The following MACROD1 variants were observed in gnomAD, a reference collection of about 807,000 sequenced individuals.
MACROD1 encodes ADP-ribose glycohydrolase MACROD1.
In MACROD1, 31 loss-of-function variants were observed where a neutral mutation model predicts 41.4. The observed-to-expected ratio is 0.75, with a 90% CI of 0.56 to 1.01. MACROD1 has a LOEUF of 1.01. Ranked by LOEUF, MACROD1 falls within the 50% of genes least tolerant of loss-of-function variation. The pLI is 0.00. For missense variants in MACROD1, 473 were observed against 460.0 expected (o/e 1.03, Z -0.26); for synonymous variants, 252 against 203.4 (o/e 1.24, Z -2.03).
intron 3 of MACROD1, among the ~76,000 whole-genome samples, chr11:64,074,636 G>A (rs1944169354): frequency 6.6e-6 from 1 of 152,224 alleles, no homozygotes; most frequent in Non-Finnish European, 1.5e-5. Flanking sequence ...CCCCAAGGGG[G>A]GCTGTGCCCT....
intron 3 of MACROD1, among the ~76,000 whole-genome samples, chr11:64,016,320 G>A (rs1294801671): frequency 6.6e-6 from 1 of 152,248 alleles, no homozygotes; most frequent in African/African-American, 2.4e-5. Flanking sequence ...GAGCTCATCA[G>A]GGAAAGCAGC....
At chr11:64,008,238 A>C (rs1188962716) in intron 4 of MACROD1, among the ~76,000 whole-genome samples, 1 of 152,024 alleles carries the variant, frequency 6.6e-6, no homozygotes, top group Non-Finnish European at 1.5e-5. Context: ...GGAGAAAACG[A>C]GGGAGAGAGG....
chr11:64,059,514 G>GC (rs1382170723), intron 3 of MACROD1, among the ~76,000 whole-genome samples: 2 of 152,116 alleles, frequency 1.3e-5, no homozygotes, highest in African/African-American at 4.8e-5. Flanking sequence ...GGGTACCCAG[G>GC]CCCCCCAGGC....
At chr11:64,076,982 G>A (rs945885379) in intron 3 of MACROD1, among the ~76,000 whole-genome samples, 3 of 152,106 alleles carry the variant, frequency 2.0e-5, no homozygotes, top group Admixed American at 6.6e-5. Context: ...AAATAGGGCT[G>A]AGTGACGGAT....
chr11:64,026,773 G>A (rs1943229162), intron 3 of MACROD1, among the ~76,000 whole-genome samples: 1 of 151,844 alleles, frequency 6.6e-6, no homozygotes, highest in African/African-American at 2.4e-5. Flanking sequence ...CATGCCCCAG[G>A]GCCTTTGCAC....
intron 3 of MACROD1, chr11:64,126,798 T>A (rs1945189365): frequency 6.6e-6 from 1 of 152,314 alleles, no homozygotes; most frequent in Non-Finnish European, 1.5e-5. Context: ...CTGCCTGATG[T>A]CCAAGGGGCC....
rs1378619743 is a variant in MACROD1, at chr11:64,048,023, T to G, written c.518-32742A>C. 2.0e-5 allele frequency among the ~76,000 whole-genome samples: 3 copies of G among 152,036 alleles called. No individual in the cohort carries two copies. The East Asian group carries it at 5.8e-4, about 29-fold the overall frequency. On this transcript the variant is annotated intron_variant, in intron 3 of 10. Coordinates refer to ENST00000255681, the MANE Select transcript of MACROD1 (RefSeq NM_014067.4). The stretch of plus-strand genomic sequence containing the variant: ...TGTGTGCTGGGCCTGAGCCACCACT[T>G]CAGAGTGGGGATGCTGGCAGGCCCT...
At chr11:64,139,524 G>C (rs1285387945) in intron 3 of MACROD1, among the ~76,000 whole-genome samples, 1 of 152,176 alleles carries the variant, frequency 6.6e-6, no homozygotes, top group Non-Finnish European at 1.5e-5. Flanking sequence ...CGAGGGGCTC[G>C]GAGTCCTGTG....
chr11:64,159,048 G>A (rs1308979338), intron 1 of MACROD1, among the ~76,000 whole-genome samples: 1 of 151,978 alleles, frequency 6.6e-6, no homozygotes, highest in East Asian at 1.9e-4. Flanking sequence ...GAGGCCGGGT[G>A]CAGGGGCTCA....
chr11:64,118,093 A>C (rs553034802), intron 3 of MACROD1: 1 of 1,611,176 alleles, frequency 6.2e-7, no homozygotes, highest in Admixed American at 1.7e-5. Flanking sequence ...AAGAAGGATA[A>C]CTCCATCCTG....
At chr11:64,144,223 G>A (rs967055354) in intron 3 of MACROD1, among the ~76,000 whole-genome samples, 20 of 151,796 alleles carry the variant, frequency 1.3e-4, no homozygotes, top group African/African-American at 4.1e-4. Flanking sequence ...TTAGCACCCC[G>A]TCCAACCCAA....
At chr11:64,126,042 G>A (rs1945175012) in intron 3 of MACROD1, among the ~76,000 whole-genome samples, 1 of 152,200 alleles carries the variant, frequency 6.6e-6, no homozygotes, top group Admixed American at 6.5e-5. Context: ...GTGGAACGCA[G>A]GCTTGCAATG....
intron 3 of MACROD1, among the ~76,000 whole-genome samples, chr11:64,062,080 C>T (rs1381191310): frequency 6.6e-6 from 1 of 151,518 alleles, no homozygotes; most frequent in East Asian, 1.9e-4. Context: ...TGCCCCTTCT[C>T]TGCCTGGGGG....
intron 3 of MACROD1, among the ~76,000 whole-genome samples, chr11:64,050,067 C>T (rs748502319): frequency 6.6e-6 from 1 of 152,176 alleles, no homozygotes; most frequent in Admixed American, 6.5e-5. Context: ...ATGGCCTACT[C>T]TTCCCTCGAG....
At chr11:64,078,659 A>G (rs1033474055) in intron 3 of MACROD1, among the ~76,000 whole-genome samples, 1 of 152,118 alleles carries the variant, frequency 6.6e-6, no homozygotes, top group African/African-American at 2.4e-5. Context: ...TTGTCCTACA[A>G]ATATGTGCTC....
intron 3 of MACROD1, among the ~76,000 whole-genome samples, chr11:64,056,804 C>T (rs76329561): frequency 1.8e-4 from 28 of 152,226 alleles, no homozygotes; most frequent in African/African-American, 6.7e-4. Context: ...AGGGTTCTGG[C>T]TGGTGCAAGG....
Position 64,090,443 on chromosome 11 carries a change from C to T in MACROD1, c.517+60796G>A, listed in dbSNP as rs1944468968. 6.6e-6 allele frequency among the ~76,000 whole-genome samples: 1 copy of T among 152,166 alleles called. No homozygotes were observed. Among genetic ancestry groups the T allele is most frequent in the Non-Finnish European group, 1.5e-5 (1 of 68,010 alleles). ...ACCTCCAGCCCGGGCAGCAGTGGGT[C>T]GATAATAATTTACGAGGCAGCCCCT... On this transcript the variant is annotated intron_variant, in intron 3 of 10. Transcript: ENST00000255681. This position sits in a 1 kb window ranked among gnomAD's most constrained non-coding sequence, Gnocchi z 4.7.
intron 3 of MACROD1, among the ~76,000 whole-genome samples, chr11:64,055,790 AG>A (rs1943774831): frequency 6.6e-6 from 1 of 152,048 alleles, no homozygotes; most frequent in Non-Finnish European, 1.5e-5. Flanking sequence ...TTTCATACAG[AG>A]GATGCTGGTT....
intron 4 of MACROD1, among the ~76,000 whole-genome samples, chr11:64,014,569 G>A (rs918300842): frequency 4.6e-5 from 7 of 152,224 alleles, no homozygotes; most frequent in African/African-American, 7.2e-5. Flanking sequence ...TGCAGACAGC[G>A]GGCAGCCTGG....
Sources: allele counts gnomAD v4.1 joint callset (sites outside exome capture counted in the v4.1 genomes callset), GRCh38; gene constraint gnomAD v4.1.1; non-coding constraint Gnocchi (gnomAD v3.1); transcripts MANE v1.5; gene names NCBI Gene and HGNC (gene_info 2026-07-23, HGNC 2026-07-21).